TCERG1L: variants seen among roughly 807,000 people sequenced by gnomAD.
TCERG1L encodes the protein transcription elongation regulator 1-like protein.
Under a neutral mutation model 56.3 loss-of-function variants are expected in TCERG1L, and 37 were observed. That is an observed-to-expected ratio of 0.66 (90% confidence interval 0.51 to 0.87). The LOEUF (loss-of-function observed/expected upper bound fraction) is 0.87, where lower values mean the gene tolerates loss of function less well. Among genes scored for constraint, TCERG1L ranks in the 40% least tolerant of loss-of-function variants. The pLI is 0.00. For synonymous variants in TCERG1L, 324 were observed against 326.3 expected (o/e 0.99, Z 0.08); for missense variants, 799 against 774.2 (o/e 1.03, Z -0.38).
chr10:131,094,979 G>A lies in TCERG1L; in HGVS notation c.1605-1661C>T, dbSNP rs555474531. Reference sequence around the variant, plus strand: ...AAAAGAAAGGGAGCCTCCCGCTTCCGTGGCCCCTTAGCCATGCCAAGGGGC... The same window carrying A: ...AAAAGAAAGGGAGCCTCCCGCTTCCATGGCCCCTTAGCCATGCCAAGGGGC... On this transcript the variant is annotated intron_variant, in intron 11 of 11. Coordinates refer to ENST00000368642, the MANE Select transcript of TCERG1L (RefSeq NM_174937.4). Among the ~76,000 whole-genome samples the A allele has an allele frequency of 7.2e-5, 11 of 152,324 alleles. No individual in the cohort carries two copies. The East Asian group carries it at 1.4e-3, about 19-fold the overall frequency.
intron 4 of TCERG1L, among the ~76,000 whole-genome samples, chr10:131,256,147 T>C (rs141163726): frequency 3.3e-5 from 5 of 152,328 alleles, no homozygotes; most frequent in East Asian, 1.9e-4. Flanking sequence ...TTTTTGATTA[T>C]AGAGGAGGAG....
intron 3 of TCERG1L, among the ~76,000 whole-genome samples, chr10:131,265,744 T>TA (rs1358949411): frequency 2.6e-5 from 4 of 152,252 alleles, no homozygotes; most frequent in East Asian, 1.9e-4. Context: ...AGTTTATTGC[T>TA]AAAAAATATT....
chr10:131,277,631 G>A (rs1846406603), intron 3 of TCERG1L, among the ~76,000 whole-genome samples: 1 of 152,228 alleles, frequency 6.6e-6, no homozygotes, highest in Admixed American at 6.5e-5. Context: ...GAGCAGACCA[G>A]GGACAAGCTA....
intron 3 of TCERG1L, among the ~76,000 whole-genome samples, chr10:131,281,790 G>A (rs1042433954): frequency 4.6e-5 from 7 of 152,026 alleles, no homozygotes; most frequent in East Asian, 3.9e-4. Flanking sequence ...AGCCTGATCC[G>A]CCCCCTGCTT....
At chr10:131,282,018 C>T (rs1288946613) in intron 3 of TCERG1L, among the ~76,000 whole-genome samples, 7 of 151,858 alleles carry the variant, frequency 4.6e-5, no homozygotes, top group Admixed American at 4.6e-4. Flanking sequence ...CGCCTGTAGT[C>T]CCAGCTACTC....
intron 8 of TCERG1L, among the ~76,000 whole-genome samples, chr10:131,128,177 T>G (rs12414474): frequency 6.6e-6 from 1 of 151,872 alleles, no homozygotes; most frequent in African/African-American, 2.4e-5. Flanking sequence ...TAAACTAGAA[T>G]GAACCCAAGA....
chr10:131,291,637 A>G (rs1846628194), intron 3 of TCERG1L, among the ~76,000 whole-genome samples: 1 of 151,606 alleles, frequency 6.6e-6, no homozygotes, highest in Non-Finnish European at 1.5e-5. Context: ...CGTGTTAGCC[A>G]AGGTGGTCTC....
chr10:131,172,886 TG>T (rs1269525279), intron 4 of TCERG1L, among the ~76,000 whole-genome samples: 1 of 132,058 alleles, frequency 7.6e-6, no homozygotes, highest in Non-Finnish European at 1.6e-5. Flanking sequence ...GAATAATCAA[TG>T]ATTTTTTTTT....
rs1467614552 is a variant in TCERG1L, at chr10:131,308,333, C to T, written c.548G>A (p.Arg183Lys). The stretch of plus-strand genomic sequence containing the variant: ...AGGCTTTTCATGCCCATGGAAAAAC[C>T]TTGACTCCTCAGGATGTATCCACGT... ...DSTWIHPEES[R>K]FFHGHEKPRL... The change falls in exon 3 of 12, where the codon AGG becomes AAG. Residue 183 changes from arginine (R) to lysine (K), a missense_variant. Arg to Lys is a conservative substitution (Grantham distance 26). Transcript: ENST00000368642. The T allele has an allele frequency of 6.2e-7, 1 of 1,613,962 alleles. No individual in the cohort carries two copies. Among genetic ancestry groups the T allele is most frequent in the South Asian group, 1.1e-5 (1 of 91,074 alleles).
intron 9 of TCERG1L, among the ~76,000 whole-genome samples, chr10:131,115,938 A>T (rs1389798812): frequency 6.6e-6 from 1 of 152,058 alleles, no homozygotes; most frequent in South Asian, 2.1e-4. Flanking sequence ...GGGAGTTACC[A>T]GCTGTGGGAG....
intron 6 of TCERG1L, among the ~76,000 whole-genome samples, chr10:131,159,579 T>G (rs981278705): frequency 2.6e-5 from 4 of 152,152 alleles, no homozygotes; most frequent in Non-Finnish European, 5.9e-5. Context: ...TGTGTCTCCA[T>G]GAGACCCTGG....
At chr10:131,109,330 AGT>A (rs1238304033) in intron 9 of TCERG1L, among the ~76,000 whole-genome samples, 13 of 152,180 alleles carry the variant, frequency 8.5e-5, no homozygotes, top group Non-Finnish European at 1.5e-4. Context: ...CCTGACGAAC[AGT>A]GACAGTGATC....
intron 3 of TCERG1L, among the ~76,000 whole-genome samples, chr10:131,285,578 A>G (rs968642230): frequency 6.9e-6 from 1 of 144,664 alleles, no homozygotes; most frequent in African/African-American, 2.5e-5. Flanking sequence ...GAAAGAAAGA[A>G]AGAAAAAAAA....
rs530199196 is a variant in TCERG1L, at chr10:131,261,899, T to C, written c.671-1455A>G. Among the ~76,000 whole-genome samples the C allele has an allele frequency of 3.3e-5, 5 of 151,996 alleles. No individual in the cohort carries two copies. The South Asian group carries it at 6.2e-4, about 19-fold the overall frequency. ...AAAGTCCTCACTGAGAAGGAAAAAA[T>C]AGGTAAAAGTCTGCATGAGGCAAGG... On this transcript the variant is annotated intron_variant, in intron 3 of 11. Coordinates refer to ENST00000368642, the MANE Select transcript of TCERG1L (RefSeq NM_174937.4).
At chr10:131,191,367 A>T (rs1243856840) in intron 4 of TCERG1L, among the ~76,000 whole-genome samples, 1 of 144,274 alleles carries the variant, frequency 6.9e-6, no homozygotes, top group African/African-American at 2.6e-5. Flanking sequence ...GTGTCACAGA[A>T]TTAGAAAAAA....
At chr10:131,291,304 A>ATATT (rs1564835262) in intron 3 of TCERG1L, among the ~76,000 whole-genome samples, 1 of 147,274 alleles carries the variant, frequency 6.8e-6, no homozygotes, top group African/African-American at 2.5e-5. Flanking sequence ...TTAATCCCAT[A>ATATT]TATTTCATAT....
At chr10:131,110,012 T>C (rs1303883774) in intron 9 of TCERG1L, among the ~76,000 whole-genome samples, 2 of 152,206 alleles carry the variant, frequency 1.3e-5, no homozygotes, top group African/African-American at 4.8e-5. Flanking sequence ...TGTCCTTGAC[T>C]GCAGGTCGCG....
At chr10:131,211,052 A>G (rs974871618) in intron 4 of TCERG1L, among the ~76,000 whole-genome samples, 3 of 152,146 alleles carry the variant, frequency 2.0e-5, no homozygotes, top group African/African-American at 7.2e-5. Flanking sequence ...CCACCTGGAG[A>G]CCTTCTGAAC....
rs1296018410 is a variant in TCERG1L, at chr10:131,171,575, A to AATTT, written c.857-4694_857-4691dup. On this transcript the variant is annotated intron_variant, in intron 4 of 11. Coordinates refer to ENST00000368642, the MANE Select transcript of TCERG1L (RefSeq NM_174937.4). ...TTCTTACATTGAATGAAGTATCAGG[A>AATTT]ATTTATTTATTTATTTATTTAGAGA... 4.6e-5 allele frequency among the ~76,000 whole-genome samples: 7 copies of AATTT among 152,056 alleles called. No homozygotes were observed. In the East Asian group the frequency reaches 7.7e-4, roughly 17 times the overall value.
Sources: gnomAD v4.1 joint callset for allele counts (sites outside exome capture counted in the v4.1 genomes callset) on GRCh38, gnomAD v4.1.1 for gene constraint, MANE v1.5 for transcripts, NCBI Gene and HGNC (gene_info 2026-07-23, HGNC 2026-07-21) for gene names.